The following TACR3 variants were observed in gnomAD, a reference collection of about 807,000 sequenced individuals.
TACR3 encodes tachykinin receptor 3, also known as neuromedin-K receptor.
A neutral mutation model predicts 35.0 loss-of-function variants in TACR3; 34 were observed. That is an observed-to-expected ratio of 0.97 (90% confidence interval 0.74 to 1.30). TACR3 has a LOEUF of 1.30. Ranked by LOEUF, TACR3 falls within the 50% of genes most tolerant of loss-of-function variation. The pLI is 0.00. For synonymous variants in TACR3, 233 were observed against 221.1 expected (o/e 1.05, Z -0.48); for missense variants, 558 against 591.7 (o/e 0.94, Z 0.59).
intron 3 of TACR3, among the ~76,000 whole-genome samples, chr4:103,650,627 A>G (rs1192930370): frequency 3.3e-5 from 3 of 90,012 alleles, no homozygotes; most frequent in Admixed American, 1.7e-4. Flanking sequence ...ATTATATATA[A>G]ATATATAATA....
At chr4:103,675,528 G>A (rs748717569) in intron 1 of TACR3, among the ~76,000 whole-genome samples, 9 of 152,214 alleles carry the variant, frequency 5.9e-5, no homozygotes, top group Admixed American at 2.6e-4. Flanking sequence ...CAAGGAAATT[G>A]ATGTAGAATG....
intron 1 of TACR3, among the ~76,000 whole-genome samples, chr4:103,698,715 TAGA>T (rs1318780848): frequency 1.3e-5 from 2 of 152,072 alleles, no homozygotes; most frequent in East Asian, 1.9e-4. Context: ...TGATAGTTAC[TAGA>T]AGATGAATAA....
intron 3 of TACR3, among the ~76,000 whole-genome samples, chr4:103,621,246 G>A (rs544487404): frequency 6.6e-6 from 1 of 152,126 alleles, no homozygotes; most frequent in African/African-American, 2.4e-5. Flanking sequence ...CAGAAAATAA[G>A]GTAACCAAAA....
At chr4:103,683,286 C>T (rs1722143131) in intron 1 of TACR3, among the ~76,000 whole-genome samples, 1 of 151,190 alleles carries the variant, frequency 6.6e-6, no homozygotes, top group South Asian at 2.1e-4. Context: ...TCTAAGTTTC[C>T]ATCTGTGAAA....
At chr4:103,627,363 A>C (rs1389183068) in intron 3 of TACR3, among the ~76,000 whole-genome samples, 1 of 144,226 alleles carries the variant, frequency 6.9e-6, no homozygotes, top group Non-Finnish European at 1.5e-5. Flanking sequence ...AAAAAAAAAA[A>C]AAAAAAAAAA....
chr4:103,701,175 C>T (rs555033503), intron 1 of TACR3, among the ~76,000 whole-genome samples: 66 of 152,100 alleles, frequency 4.3e-4, no homozygotes, highest in South Asian at 8.3e-4. Flanking sequence ...AAAATCTCCT[C>T]AAGCTGATAG....
chr4:103,719,048 T>C (rs906119238), intron 1 of TACR3, 80 bp downstream of exon 1: 6 of 1,580,922 alleles, frequency 3.8e-6, no homozygotes, highest in Non-Finnish European at 5.2e-6. Context: ...TACGTTACTA[T>C]TTCCTTTGTA....
At chr4:103,599,648 A>G (rs1724139554) in intron 3 of TACR3, among the ~76,000 whole-genome samples, 1 of 152,172 alleles carries the variant, frequency 6.6e-6, no homozygotes, top group South Asian at 2.1e-4. Context: ...TAATTTATTG[A>G]GATTTTTTAG....
chr4:103,607,039 T>G (rs1207949215), intron 3 of TACR3, among the ~76,000 whole-genome samples: 1 of 152,174 alleles, frequency 6.6e-6, no homozygotes, highest in East Asian at 1.9e-4. Flanking sequence ...GAAGGGTTGT[T>G]GAATTTTGGC....
chr4:103,692,179 T>C (rs73835398), intron 1 of TACR3, among the ~76,000 whole-genome samples: 5,036 of 152,254 alleles, frequency 0.033, 271 homozygotes, highest in African/African-American at 0.11. Flanking sequence ...GAAATCAAAT[T>C]TGTGATTTCT....
chr4:103,631,124 C>A (rs1049647625), intron 3 of TACR3, among the ~76,000 whole-genome samples: 1 of 151,954 alleles, frequency 6.6e-6, no homozygotes, highest in Non-Finnish European at 1.5e-5. Flanking sequence ...GGGAATTGAA[C>A]GATGAGAACA....
chr4:103,686,014 T>A (rs562586030), intron 1 of TACR3, among the ~76,000 whole-genome samples: 1 of 152,272 alleles, frequency 6.6e-6, no homozygotes, highest in Admixed American at 6.5e-5. Flanking sequence ...AGATCTCATC[T>A]CAGTTGTTAA....
chr4:103,682,612 G>A (rs1045712209), intron 1 of TACR3, among the ~76,000 whole-genome samples: 10 of 152,088 alleles, frequency 6.6e-5, no homozygotes, highest in African/African-American at 1.9e-4. Flanking sequence ...TGAGATTTGG[G>A]TGGGGACACA....
intron 3 of TACR3, among the ~76,000 whole-genome samples, chr4:103,649,823 C>T (rs1725541171): frequency 6.6e-6 from 1 of 152,096 alleles, no homozygotes; most frequent in Non-Finnish European, 1.5e-5. Flanking sequence ...ATCTTTGTTT[C>T]TCCAGAATTG....
At position 103,586,336 on chromosome 4, in the gene TACR3, C is replaced by T. The variant is rs1210870885; in HGVS notation, c.*3346G>A. The T allele has an allele frequency of 6.6e-6, 1 of 151,762 alleles. No homozygotes were observed. Among genetic ancestry groups the T allele is most frequent in the Non-Finnish European group, 1.5e-5 (1 of 67,968 alleles). The allele number at this position is 151,762 out of a possible 1,614,324, so 9.4% of individuals were successfully genotyped here. On this transcript the variant is annotated 3_prime_UTR_variant, in exon 5 of 5. Coordinates refer to ENST00000304883, the MANE Select transcript of TACR3 (RefSeq NM_001059.3). ...TCCAACCTTATTGTTCTACATGGTCCATGTCATTCTGGATTTCCTTAGCTT... is the reference window on the plus strand; with the variant it reads ...TCCAACCTTATTGTTCTACATGGTCTATGTCATTCTGGATTTCCTTAGCTT...
intron 3 of TACR3, among the ~76,000 whole-genome samples, chr4:103,600,512 T>C (rs1464436476): frequency 1.3e-5 from 2 of 152,172 alleles, no homozygotes; most frequent in African/African-American, 2.4e-5. Context: ...CTTTTGAATG[T>C]GTTTGATCTT....
chr4:103,650,060 C>T (rs1725554351), intron 3 of TACR3, among the ~76,000 whole-genome samples: 1 of 152,072 alleles, frequency 6.6e-6, no homozygotes, highest in African/African-American at 2.4e-5. Context: ...GTACCACATA[C>T]CTAGTAAGGC....
chr4:103,609,484 A>T (rs1724466440), intron 3 of TACR3, among the ~76,000 whole-genome samples: 1 of 152,046 alleles, frequency 6.6e-6, no homozygotes, highest in South Asian at 2.1e-4. Context: ...TTTTGTTTAT[A>T]ATTAACAGAT....
intron 1 of TACR3, among the ~76,000 whole-genome samples, chr4:103,679,539 T>C (rs1034963824): frequency 6.6e-6 from 1 of 151,970 alleles, no homozygotes; most frequent in Admixed American, 6.6e-5. Flanking sequence ...ATTCTCAGGT[T>C]TTATATGCAT....
Sources: gnomAD v4.1 joint callset for allele counts (sites outside exome capture counted in the v4.1 genomes callset) on GRCh38, gnomAD v4.1.1 for gene constraint, MANE v1.5 for transcripts, NCBI Gene and HGNC (gene_info 2026-07-23, HGNC 2026-07-21) for gene names.